The following SMU1 variants were observed in gnomAD, a reference collection of about 807,000 sequenced individuals.
SMU1 encodes WD40 repeat-containing protein SMU1.
In SMU1, 2 loss-of-function variants were observed where a neutral mutation model predicts 62.0. The ratio of observed to expected loss-of-function variants is 0.03; its 90% CI spans 0.01 to 0.10. SMU1 has a LOEUF of 0.10. Among genes scored for constraint, SMU1 ranks in the 10% least tolerant of loss-of-function variants. The pLI, the probability that SMU1 is intolerant of heterozygous loss-of-function variation, is 1.00. For synonymous variants in SMU1, 188 were observed against 212.4 expected, an observed-to-expected ratio of 0.89 and a Z score of 1.00; for missense variants, 227 against 622.1, an observed-to-expected ratio of 0.36 and a Z score of 6.76.
chr9:33,064,127 G>A (rs973105550), intron 4 of SMU1, among the ~76,000 whole-genome samples: 1 of 151,810 alleles, frequency 6.6e-6, no homozygotes, highest in Non-Finnish European at 1.5e-5. Context: ...TAAAGAGAGG[G>A]GTTCTCATTC....
chr9:33,052,017 C>CAAAA (rs1387016680), intron 10 of SMU1, among the ~76,000 whole-genome samples: 2 of 68,594 alleles, frequency 2.9e-5, no homozygotes, highest in Non-Finnish European at 3.1e-5. Context: ...AACTCCATCT[C>CAAAA]AAAAAAAAAA....
At chr9:33,055,472 C>T (rs776954172) in intron 9 of SMU1, among the ~76,000 whole-genome samples, 8 of 136,302 alleles carry the variant, frequency 5.9e-5, no homozygotes, top group Non-Finnish European at 1.1e-4. Context: ...AGATTAGGTC[C>T]GGAATGTAAA....
chr9:33,059,360 C>T (rs1352214829), intron 6 of SMU1, among the ~76,000 whole-genome samples: 1 of 150,680 alleles, frequency 6.6e-6, no homozygotes, highest in Non-Finnish European at 1.5e-5. Flanking sequence ...AGCTGAGGTA[C>T]AAGTGTAGGA....
rs368966468 is a variant in SMU1, at chr9:33,063,074, T to A, written c.502-897A>T. On this transcript the variant is annotated intron_variant, in intron 4 of 11. Transcript: ENST00000397149. ...GAAAAAGTCGGGAAAAAAAGCCTAA[T>A]TCGGGGGCCAAGCATGGTGGCTCAC... 8.5e-5 allele frequency among the ~76,000 whole-genome samples: 13 copies of A among 152,282 alleles called. No homozygotes were observed. The East Asian group carries it at 1.5e-3, about 18-fold the overall frequency.
intron 10 of SMU1, 92 bp from the exon 11 acceptor site, chr9:33,048,350 T>G: frequency 6.6e-7 from 1 of 1,514,896 alleles, no homozygotes; most frequent in Non-Finnish European, 8.9e-7. Context: ...TACGTTGTTA[T>G]TTTGCACTTT....
chr9:33,072,029 T>C, intron 2 of SMU1, 137 bp from the exon 3 acceptor site: 1 of 870,452 alleles, frequency 1.1e-6, no homozygotes, highest in Non-Finnish European at 1.6e-6. Flanking sequence ...CTTTCCATTT[T>C]CACTAGCAAT....
chr9:33,060,709 T>G, intron 5 of SMU1, 125 bp from the exon 6 acceptor site: 8 of 1,158,404 alleles, frequency 6.9e-6, no homozygotes, highest in African/African-American at 1.6e-5. Flanking sequence ...TTATAGAGTA[T>G]TGGAGGGGTA....
Position 33,071,890 on chromosome 9 carries a change from A to C in SMU1, c.240T>G (p.Val80=). Reference sequence around the variant, plus strand: ...CACGGAGCTCTATCAATTCCAGAACAACCTGGACAATTAAAAAAAAACAAA... The same window carrying C: ...CACGGAGCTCTATCAATTCCAGAACCACCTGGACAATTAAAAAAAAACAAA... The part of the protein sequence containing the change: ...DKTLIDLYEQ[V]VLELIELREL... Residue 80 remains valine, a splice_region_variant and synonymous_variant, in exon 3 of 12, where the codon GTT becomes GTG. Coordinates refer to ENST00000397149, the MANE Select transcript of SMU1 (RefSeq NM_018225.3). The C allele has an allele frequency of 6.5e-7, 1 of 1,530,428 alleles. No individual in the cohort carries two copies. The highest frequency in any genetic ancestry group is 8.7e-7 in the Non-Finnish European group (1 of 1,145,356). The allele number at this position is 1,530,428 out of a possible 1,614,324, so 94.8% of individuals were successfully genotyped here. A position where few individuals can be genotyped will look rare whatever the true frequency, so the allele number is the denominator to read the frequency against.
intron 4 of SMU1, among the ~76,000 whole-genome samples, chr9:33,064,962 C>A (rs1839404191): frequency 6.6e-6 from 1 of 152,144 alleles, no homozygotes; most frequent in African/African-American, 2.4e-5. Context: ...AGGCTGGTCT[C>A]CAACTCCTGA....
intron 9 of SMU1, 39 bp downstream of exon 9, chr9:33,056,074 G>A (rs1183295843): frequency 6.3e-6 from 10 of 1,576,400 alleles, no homozygotes; most frequent in South Asian, 1.2e-5. Context: ...ACAAAGATGG[G>A]GTAGACATCC....
intron 1 of SMU1, among the ~76,000 whole-genome samples, chr9:33,074,659 A>C (rs1481682956): frequency 6.6e-6 from 1 of 152,108 alleles, no homozygotes; most frequent in East Asian, 1.9e-4. Flanking sequence ...TTTTATCCCC[A>C]ATTTACAGAT....
rs1839148238 is a variant in SMU1 at position 33,043,517 on chromosome 9, T to G, written c.*3776A>C. 6.6e-6 allele frequency: 1 copy of G among 152,230 alleles called. No individual in the cohort carries two copies. The highest frequency in any genetic ancestry group is 6.5e-5 in the Admixed American group (1 of 15,276). 9.4% of individuals were successfully genotyped at this position (152,230 alleles called of 1,614,324 possible). A position where few individuals can be genotyped will look rare whatever the true frequency, so the allele number is the denominator to read the frequency against. On this transcript the variant is annotated 3_prime_UTR_variant, in exon 12 of 12. Transcript: ENST00000397149. ...ATCACGTGACACTTGTAAGAACCAC[T>G]GTTCTAGCACAAGCCAAAAGAAGTG...
chr9:33,063,782 C>T (rs997516605), intron 4 of SMU1, among the ~76,000 whole-genome samples: 2 of 151,936 alleles, frequency 1.3e-5, no homozygotes, highest in African/African-American at 4.8e-5. Context: ...CCAAACCCAC[C>T]CCCCTGACAC....
chr9:33,075,087 C>T (rs536393727), intron 1 of SMU1, among the ~76,000 whole-genome samples: 4 of 151,970 alleles, frequency 2.6e-5, no homozygotes, highest in Non-Finnish European at 5.9e-5. Flanking sequence ...TTCTTAAAAA[C>T]AACTATAGGC....
chr9:33,053,204 C>T lies in SMU1; in HGVS notation c.1209G>A (p.Val403=). The change falls in exon 10 of 12, where the codon GTG becomes GTA. Residue 403 remains valine (V), a synonymous_variant. Coordinates refer to ENST00000397149, the MANE Select transcript of SMU1 (RefSeq NM_018225.3). ...GCTCAGGGTTTTTAGGAAGTAGAAT[C>T]ACACTGTTGACGGTAATATCTGTCC... ...TAGTDITVNS[V]ILLPKNPEHF... is the part of the protein sequence containing the mutation. The T allele has an allele frequency of 6.2e-7, 1 of 1,612,392 alleles. No individual in the cohort carries two copies.
chr9:33,075,107 TG>T (rs1839531291), intron 1 of SMU1, among the ~76,000 whole-genome samples: 1 of 149,604 alleles, frequency 6.7e-6, no homozygotes, highest in Non-Finnish European at 1.5e-5. Flanking sequence ...CCGGCCGCGG[TG>T]GCTCACGCCT....
At chr9:33,066,505 TAAAAA>T (rs35501819) in intron 4 of SMU1, among the ~76,000 whole-genome samples, 3 of 100,148 alleles carry the variant, frequency 3.0e-5, no homozygotes, top group Non-Finnish European at 5.8e-5. Flanking sequence ...TCCATTTAAT[TAAAAA>T]AAAAAAAAAA....
At chr9:33,064,013 C>T (rs1247603005) in intron 4 of SMU1, among the ~76,000 whole-genome samples, 1 of 152,128 alleles carries the variant, frequency 6.6e-6, no homozygotes, top group African/African-American at 2.4e-5. Flanking sequence ...GCTCACTTAT[C>T]TATCATGGTC....
At chr9:33,047,858 CAAAAT>C (rs755456828) in intron 11 of SMU1, among the ~76,000 whole-genome samples, 9 of 151,762 alleles carry the variant, frequency 5.9e-5, no homozygotes, top group African/African-American at 9.7e-5. Context: ...GACTCCCTCT[CAAAAT>C]AAAATAAAAT....
Sources: gnomAD v4.1 joint callset for allele counts (sites outside exome capture counted in the v4.1 genomes callset) on GRCh38, gnomAD v4.1.1 for gene constraint, MANE v1.5 for transcripts, NCBI Gene and HGNC (gene_info 2026-07-23, HGNC 2026-07-21) for gene names.